Variants in ZBTB43 observed in about 807,000 individuals in gnomAD.
ZBTB43 encodes zinc finger and BTB domain containing 43, also known as zinc finger and BTB domain-containing protein 43.
ZBTB43 carries 6 observed loss-of-function variants against 31.1 expected under a neutral mutation model. That is an observed-to-expected ratio of 0.19 (90% CI 0.11 to 0.38). The LOEUF is 0.38. Ranked by LOEUF, ZBTB43 falls within the 10% of genes least tolerant of loss-of-function variation. The probability of loss-of-function intolerance (pLI) is 1.00; values close to 1 mark genes in which losing one functional copy is unlikely to be tolerated. For synonymous variants in ZBTB43, 212 were observed against 221.7 expected (o/e 0.96, Z 0.39); for missense variants, 379 against 602.1 (o/e 0.63, Z 3.88).
At chr9:126,828,810 A>G (rs2032707394) in intron 2 of ZBTB43, among the ~76,000 whole-genome samples, 1 of 151,996 alleles carries the variant, frequency 6.6e-6, no homozygotes, top group African/African-American at 2.4e-5. Context: ...AAAAATTATC[A>G]CAACGTAGGA....
At chr9:126,815,358 A>C (rs895246999) in intron 2 of ZBTB43, among the ~76,000 whole-genome samples, 5 of 141,920 alleles carry the variant, frequency 3.5e-5, no homozygotes, top group African/African-American at 8.0e-5. Context: ...ATATATAAAA[A>C]TATATATATA....
intron 2 of ZBTB43, among the ~76,000 whole-genome samples, chr9:126,811,119 G>C (rs577092333): frequency 1.3e-5 from 2 of 151,568 alleles, no homozygotes; most frequent in African/African-American, 4.8e-5. Flanking sequence ...CTACTCAGGA[G>C]GCTGAGGCAG....
intron 2 of ZBTB43, among the ~76,000 whole-genome samples, chr9:126,815,330 CTATA>C (rs949848584): frequency 8.3e-6 from 1 of 120,030 alleles, no homozygotes; most frequent in Non-Finnish European, 1.7e-5. Flanking sequence ...ATATATAAAA[CTATA>C]TATATAGTTT....
At chr9:126,826,500 G>A (rs1456845279) in intron 2 of ZBTB43, among the ~76,000 whole-genome samples, 1 of 81,820 alleles carries the variant, frequency 1.2e-5, no homozygotes, top group African/African-American at 4.4e-5. Context: ...ATCTCGTATT[G>A]TTTCCCAGGC....
chr9:126,837,769 G>GT lies in ZBTB43; in HGVS notation c.*3859dup, dbSNP rs1468182198. The GT allele has an allele frequency of 3.0e-5, 5 of 166,160 alleles. No individual in the cohort carries two copies. The highest frequency in any genetic ancestry group is 1.2e-4 in the African/African-American group (5 of 41,178). 10.3% of individuals were successfully genotyped at this position (166,160 alleles called of 1,614,324 possible). ...GCTACTTACATATTTAAAGGTACAA[G>GT]TTTCTTATTTCAAATCTCTACTGAT... On this transcript the variant is annotated 3_prime_UTR_variant, in exon 3 of 3. Transcript: ENST00000373464.
Position 126,837,277 on chromosome 9 carries a change from C to G in ZBTB43, c.*3364C>G, listed in dbSNP as rs374555724. 4.2e-5 allele frequency: 7 copies of G among 167,052 alleles called. No individual in the cohort carries two copies. The highest frequency in any genetic ancestry group is 1.7e-4 in the African/African-American group (7 of 41,438). The allele number at this position is 167,052 out of a possible 1,614,324, so 10.3% of individuals were successfully genotyped here. ...CTCCAGGCCCCCAGCCTGTTGATTC[C>G]GATTTCTAGGTCTCATCTTCCTCTG... On this transcript the variant is annotated 3_prime_UTR_variant, in exon 3 of 3. Coordinates refer to ENST00000373464, the MANE Select transcript of ZBTB43 (RefSeq NM_014007.4).
intron 2 of ZBTB43, among the ~76,000 whole-genome samples, chr9:126,820,776 T>C (rs1234881001): frequency 6.6e-6 from 1 of 151,850 alleles, no homozygotes; most frequent in African/African-American, 2.4e-5. Flanking sequence ...AAGACCAACC[T>C]GAGCAGCATA....
At chr9:126,807,738 C>T (rs1354506385) in intron 1 of ZBTB43, among the ~76,000 whole-genome samples, 7 of 152,044 alleles carry the variant, frequency 4.6e-5, no homozygotes, top group Admixed American at 1.3e-4. Flanking sequence ...TGGGTTCAAG[C>T]GATTCTCCTG....
chr9:126,833,377 G>A lies in ZBTB43; in HGVS notation c.868G>A (p.Asp290Asn). The A allele has an allele frequency of 6.2e-7, 1 of 1,613,686 alleles. No individual in the cohort carries two copies. Among genetic ancestry groups the A allele is most frequent in the East Asian group, 2.2e-5 (1 of 44,870 alleles). Reference sequence around the variant, plus strand: ...GGTGCAGCCTTCGGGAGTGGAGGAGGACTTCCACATCGGGGAGAAGAAAGT... The same window carrying A: ...GGTGCAGCCTTCGGGAGTGGAGGAGAACTTCCACATCGGGGAGAAGAAAGT... ...HTVQPSGVEE[D>N]FHIGEKKVEA... Residue 290 changes from aspartate to asparagine, a missense_variant, in exon 3 of 3, where the codon GAC (aspartate) becomes AAC (asparagine). Asp to Asn is a conservative substitution (Grantham distance 23). Around this residue, in one of 5 missense-constraint regions of ZBTB43, gnomAD observed 253 missense variants for 322.3 expected, o/e 0.79. Transcript: ENST00000373464. The surrounding 1 kb of genome is among the most constrained non-coding windows in gnomAD (Gnocchi z 7.9).
Position 126,825,696 on chromosome 9 carries a change from C to T in ZBTB43, c.-23-6791C>T, listed in dbSNP as rs188072955. ...TTAGGTTAATTACCTCCTAAAGGCT[C>T]TACTTGTAAATATAGCCAGACTCTG... On this transcript the variant is annotated intron_variant, in intron 2 of 2. Transcript: ENST00000373464. Among the ~76,000 whole-genome samples the T allele has an allele frequency of 1.1e-4, 17 of 152,188 alleles. 1 individual carries two copies. Among genetic ancestry groups the T allele is most frequent in the Admixed American group, 1.1e-3 (17 of 15,300 alleles).
At chr9:126,822,519 G>A (rs2032537284) in intron 2 of ZBTB43, among the ~76,000 whole-genome samples, 1 of 151,632 alleles carries the variant, frequency 6.6e-6, no homozygotes, top group African/African-American at 2.4e-5. Context: ...GAGGCAGGCG[G>A]ATTGCTTGAG....
chr9:126,832,465 C>G (rs2032784478), intron 2 of ZBTB43, 22 bp from the exon 3 acceptor site: 1 of 1,554,034 alleles, frequency 6.4e-7, no homozygotes, highest in Non-Finnish European at 8.7e-7. Context: ...GGAATTTGTA[C>G]TAATTTTTCT....
intron 2 of ZBTB43, among the ~76,000 whole-genome samples, chr9:126,826,223 A>C (rs1395634542): frequency 1.3e-5 from 2 of 150,546 alleles, no homozygotes; most frequent in East Asian, 4.0e-4. Flanking sequence ...CATGTTGAAG[A>C]CTGGTTTGGA....
At chr9:126,826,922 TTTCTAA>T (rs1313250094) in intron 2 of ZBTB43, among the ~76,000 whole-genome samples, 1 of 152,232 alleles carries the variant, frequency 6.6e-6, no homozygotes, top group Non-Finnish European at 1.5e-5. Flanking sequence ...GCAGGGACAG[TTTCTAA>T]TTCTTTTTCC....
At chr9:126,822,888 A>G (rs1380344401) in intron 2 of ZBTB43, among the ~76,000 whole-genome samples, 1 of 151,294 alleles carries the variant, frequency 6.6e-6, no homozygotes, top group East Asian at 2.0e-4. Context: ...GATTGTTAGC[A>G]TTTTTCAGCA....
intron 2 of ZBTB43, among the ~76,000 whole-genome samples, chr9:126,813,705 C>G (rs947307325): frequency 3.3e-5 from 5 of 152,088 alleles, no homozygotes; most frequent in African/African-American, 1.2e-4. Flanking sequence ...AACCAGAATG[C>G]CATGTGATTT....
At chr9:126,832,229 T>A in intron 2 of ZBTB43, 1 of 421,030 alleles carries the variant, frequency 2.4e-6, no homozygotes, top group African/African-American at 2.0e-5. Flanking sequence ...AGCTTACAAA[T>A]CTTGTCCCTA....
At chr9:126,831,352 T>C (rs984797846) in intron 2 of ZBTB43, 3 of 152,242 alleles carry the variant, frequency 2.0e-5, no homozygotes, top group African/African-American at 7.2e-5. Context: ...AGTTCTGTCA[T>C]TTTGAGCTGG....
intron 2 of ZBTB43, among the ~76,000 whole-genome samples, chr9:126,827,217 CTG>C (rs752436588): frequency 6.6e-6 from 1 of 152,184 alleles, no homozygotes; most frequent in Non-Finnish European, 1.5e-5. Context: ...ATGTCTGGAT[CTG>C]TGTGTGTGCG....
Sources: allele counts gnomAD v4.1 joint callset (sites outside exome capture counted in the v4.1 genomes callset), GRCh38; gene constraint gnomAD v4.1.1; regional missense constraint gnomAD v4.1.1; non-coding constraint Gnocchi (gnomAD v3.1); transcripts MANE v1.5; gene names NCBI Gene and HGNC (gene_info 2026-07-23, HGNC 2026-07-21).